Variants in SND1 observed in about 807,000 individuals in gnomAD.
SND1 encodes staphylococcal nuclease domain-containing protein 1.
A neutral mutation model predicts 121.7 loss-of-function variants in SND1; 38 were observed. The observed-to-expected ratio is 0.31, with a 90% CI of 0.24 to 0.41. The LOEUF is 0.41. Among genes scored for constraint, SND1 ranks in the 10% least tolerant of loss-of-function variants. The probability of loss-of-function intolerance (pLI) is 1.00; values close to 1 mark genes in which losing one functional copy is unlikely to be tolerated. For synonymous variants in SND1, 401 were observed against 447.4 expected, an observed-to-expected ratio of 0.90 and a Z score of 1.31; for missense variants, 868 against 1,184.6, an observed-to-expected ratio of 0.73 and a Z score of 3.92.
At chr7:128,030,717 T>C (rs1792563574) in intron 16 of SND1, 2 of 1,486,236 alleles carry the variant, frequency 1.3e-6, no homozygotes, top group Admixed American at 2.3e-5. Context: ...CCGGCTTAAG[T>C]GAGCTAGGAG....
rs535399246 is a variant in SND1 at position 127,783,593 on chromosome 7, G to C, written c.1153-23891G>C. Among the ~76,000 whole-genome samples, 4 of 152,334 alleles carry C rather than the reference G, an allele frequency of 2.6e-5. No homozygotes were observed. The East Asian group carries it at 7.7e-4, about 29-fold the overall frequency. ...TGATAATTAAGATTGCCATGTTAAA[G>C]TGAGTGGTTATAGGTCAGACATACC... On this transcript the variant is annotated intron_variant, in intron 10 of 23. Coordinates refer to ENST00000354725, the MANE Select transcript of SND1 (RefSeq NM_014390.4).
intron 16 of SND1, among the ~76,000 whole-genome samples, chr7:128,020,102 C>T (rs1472979683): frequency 6.6e-6 from 1 of 152,224 alleles, no homozygotes; most frequent in Non-Finnish European, 1.5e-5. Context: ...ATGGAAGCAA[C>T]ACATGCCCCT....
chr7:127,954,946 G>A (rs1801558494), intron 15 of SND1, among the ~76,000 whole-genome samples: 1 of 152,140 alleles, frequency 6.6e-6, no homozygotes, highest in African/African-American at 2.4e-5. Context: ...CTCTTGCTGA[G>A]ACTCATGTCT....
chr7:127,653,765 T>G (rs779780109), intron 1 of SND1, among the ~76,000 whole-genome samples: 6 of 152,240 alleles, frequency 3.9e-5, no homozygotes, highest in Non-Finnish European at 7.3e-5. Flanking sequence ...TTTCTTAAGG[T>G]AATAGTCTGC....
chr7:128,028,415 G>A (rs1584746743), intron 16 of SND1: 2 of 355,016 alleles, frequency 5.6e-6, no homozygotes, highest in East Asian at 9.8e-5. Flanking sequence ...ATCCCTTCTG[G>A]CAGCATAGCA....
intron 12 of SND1, among the ~76,000 whole-genome samples, chr7:127,883,374 A>G (rs1036448815): frequency 2.6e-5 from 4 of 152,130 alleles, no homozygotes; most frequent in East Asian, 1.9e-4. Context: ...CCCTACCTCT[A>G]ACAATATTGG....
intron 12 of SND1, chr7:127,858,584 G>T: frequency 2.8e-6 from 1 of 361,956 alleles, no homozygotes; most frequent in Non-Finnish European, 5.1e-6. Context: ...CATTGGGTTT[G>T]GTCCAGTTGC....
chr7:127,975,159 A>G (rs1226046586), intron 15 of SND1, among the ~76,000 whole-genome samples: 1 of 152,220 alleles, frequency 6.6e-6, no homozygotes, highest in Non-Finnish European at 1.5e-5. Context: ...AAAGAGGCAC[A>G]CACAAACCAT....
rs143811346 is a variant in SND1, at chr7:127,996,887, A to G, written c.1779+5831A>G. 4.6e-3 allele frequency among the ~76,000 whole-genome samples: 698 copies of G among 152,306 alleles called. 3 individuals are homozygous for G. Among genetic ancestry groups the G allele is most frequent in the African/African-American group, 0.013 (532 of 41,562 alleles). On this transcript the variant is annotated intron_variant, in intron 16 of 23. Transcript: ENST00000354725. ...TAAGGCCTTTATCACCTCCCCACACATGCTTGACAGTTCATCACCCACCAG... is the reference window on the plus strand; with the variant it reads ...TAAGGCCTTTATCACCTCCCCACACGTGCTTGACAGTTCATCACCCACCAG...
At chr7:128,021,062 T>G (rs539246053) in intron 16 of SND1, among the ~76,000 whole-genome samples, 13 of 152,298 alleles carry the variant, frequency 8.5e-5, no homozygotes, top group Admixed American at 1.3e-4. Context: ...CCTCTCTCCT[T>G]TCCTACTCCA....
At chr7:127,921,196 A>G (rs887652039) in intron 14 of SND1, among the ~76,000 whole-genome samples, 1 of 152,166 alleles carries the variant, frequency 6.6e-6, no homozygotes, top group Non-Finnish European at 1.5e-5. Flanking sequence ...TTTGAACAAA[A>G]TGTGTCCTCT....
chr7:127,904,791 C>G lies in SND1; in HGVS notation c.1499C>G (p.Pro500Arg), dbSNP rs145473877. The G allele has an allele frequency of 2.8e-4, 453 of 1,611,336 alleles. No homozygotes were observed. The highest frequency in any genetic ancestry group is 3.7e-4 in the Non-Finnish European group (441 of 1,177,666). Residue 500 changes from proline (P) to arginine (R), a missense_variant, in exon 14 of 24, where the codon CCT (proline) becomes CGT (arginine). Pro to Arg is a moderately radical substitution (Grantham distance 103). Coordinates refer to ENST00000354725, the MANE Select transcript of SND1 (RefSeq NM_014390.4). ...GGATTGCATAGCAAGAAGGAAGTGC[C>G]TATCCACCGTGTTGCAGATATATCT... ...GKGLHSKKEV[P>R]IHRVADISGD...
At chr7:127,779,487 A>G (rs912452347) in intron 10 of SND1, among the ~76,000 whole-genome samples, 4 of 152,232 alleles carry the variant, frequency 2.6e-5, no homozygotes, top group Non-Finnish European at 4.4e-5. Flanking sequence ...CGTAGAGACA[A>G]TGGCCATATT....
intron 10 of SND1, among the ~76,000 whole-genome samples, chr7:127,790,270 A>G (rs1034441520): frequency 1.3e-5 from 2 of 152,090 alleles, no homozygotes; most frequent in African/African-American, 4.8e-5. Context: ...ATACCTCTGG[A>G]GGAGGGAGTG....
At chr7:128,043,051 C>T (rs1286329072) in intron 16 of SND1, among the ~76,000 whole-genome samples, 5 of 152,204 alleles carry the variant, frequency 3.3e-5, no homozygotes, top group Non-Finnish European at 7.3e-5. Context: ...TAGAAGACAG[C>T]ATCACTGGCA....
intron 14 of SND1, among the ~76,000 whole-genome samples, chr7:127,919,511 A>C (rs1197865056): frequency 3.9e-5 from 6 of 152,204 alleles, no homozygotes; most frequent in Admixed American, 3.3e-4. Context: ...TTGATCTAAA[A>C]CTGTTAAAGA....
intron 10 of SND1, among the ~76,000 whole-genome samples, chr7:127,735,576 T>TA (rs1235385601): frequency 4.0e-5 from 6 of 151,698 alleles, no homozygotes; most frequent in African/African-American, 9.7e-5. Flanking sequence ...ACCTTTAATT[T>TA]AAAAAAAAGA....
intron 15 of SND1, among the ~76,000 whole-genome samples, chr7:127,972,945 T>C (rs994521343): frequency 1.3e-5 from 2 of 152,232 alleles, no homozygotes; most frequent in African/African-American, 4.8e-5. Flanking sequence ...GTCATCTTTT[T>C]TCATTGCATT....
intron 16 of SND1, among the ~76,000 whole-genome samples, chr7:128,024,496 G>T (rs1284342588): frequency 6.6e-6 from 1 of 152,154 alleles, no homozygotes; most frequent in African/African-American, 2.4e-5. Flanking sequence ...GTTGAGTAAG[G>T]CCCACTTAGC....
Sources: allele counts gnomAD v4.1 joint callset (sites outside exome capture counted in the v4.1 genomes callset), GRCh38; gene constraint gnomAD v4.1.1; transcripts MANE v1.5; gene names NCBI Gene and HGNC (gene_info 2026-07-23, HGNC 2026-07-21).